Variants in ZNF492 observed in about 807,000 individuals in gnomAD.
ZNF492 encodes zinc finger protein 115 (Y20).
In ZNF492, 3 loss-of-function variants were observed where a neutral mutation model predicts 6.4. The observed-to-expected ratio is 0.47, with a 90% CI of 0.21 to 1.22. The LOEUF (loss-of-function observed/expected upper bound fraction) is 1.22. Among genes scored for constraint, ZNF492 ranks in the 50% most tolerant of loss-of-function variants. ZNF492 has a pLI of 0.22. For missense variants in ZNF492, 356 were observed against 612.5 expected, an observed-to-expected ratio of 0.58 and a Z score of 4.42; for synonymous variants, 112 against 205.3, an observed-to-expected ratio of 0.55 and a Z score of 3.89.
intron 1 of ZNF492, among the ~76,000 whole-genome samples, chr19:22,643,607 G>T (rs1971850397): frequency 6.6e-6 from 1 of 152,180 alleles, no homozygotes; most frequent in African/African-American, 2.4e-5. Flanking sequence ...ACATTACCAA[G>T]TGATTTATAA....
Position 22,653,296 on chromosome 19 carries a change from A to G in ZNF492, c.-93-11A>G. Reference sequence around the variant, plus strand: ...TTGGTAAATATGTATGTGTGTTTGTATGTTTTTCAGGGAGTGTTGACATTT... The same window carrying G: ...TTGGTAAATATGTATGTGTGTTTGTGTGTTTTTCAGGGAGTGTTGACATTT... On this transcript the variant is annotated splice_polypyrimidine_tract_variant and intron_variant, in intron 1 of 3. Coordinates refer to ENST00000456783, the MANE Select transcript of ZNF492 (RefSeq NM_020855.3). 1.9e-6 allele frequency: 3 copies of G among 1,611,100 alleles called. No individual in the cohort carries two copies. Among genetic ancestry groups the G allele is most frequent in the Non-Finnish European group, 2.5e-6 (3 of 1,179,384 alleles).
At chr19:22,636,514 CTGTGTGTGTGTG>C (rs141601969) in intron 1 of ZNF492, among the ~76,000 whole-genome samples, 457 of 147,300 alleles carry the variant, frequency 3.1e-3, no homozygotes, top group East Asian at 8.4e-3. Flanking sequence ...ACATGATCTT[CTGTGTGTGTGTG>C]TGTGTGTGTG....
rs760041910 is a variant in ZNF492, at chr19:22,655,813, G to GTTTTTTTTTTTTTT, written c.130+1800_130+1801insTTTTTTTTTTTTTT. Among the ~76,000 whole-genome samples the GTTTTTTTTTTTTTT allele has an allele frequency of 1.2e-4, 8 of 64,890 alleles. 2 individuals carry two copies. The highest frequency in any genetic ancestry group is 6.2e-4 in the African/African-American group (8 of 12,890). The allele number at this position is 64,890 out of a possible 152,430, so 42.6% of individuals were successfully genotyped here. A position where few individuals can be genotyped will look rare whatever the true frequency, so the allele number is the denominator to read the frequency against. Reference sequence around the variant, plus strand: ...GCAAACACCTCTTCAAGTTTTTCTTGTTGTTTTTTTTTTTTTTTTTTTTTT... The same window carrying GTTTTTTTTTTTTTT: ...GCAAACACCTCTTCAAGTTTTTCTTGTTTTTTTTTTTTTTTTGTTTTTTTTTTTTTTTTTTTTTT... On this transcript the variant is annotated intron_variant, in intron 3 of 3. Transcript: ENST00000456783.
chr19:22,659,253 A>C (rs551216430), intron 3 of ZNF492, among the ~76,000 whole-genome samples: 11 of 150,188 alleles, frequency 7.3e-5, no homozygotes, highest in Admixed American at 1.3e-4. Flanking sequence ...ATAAAATTTC[A>C]GTTTTAAAAA....
At chr19:22,647,727 G>GTTTTTTTTTTTTGTTTTT (rs1971897013) in intron 1 of ZNF492, among the ~76,000 whole-genome samples, 1 of 92,576 alleles carries the variant, frequency 1.1e-5, no homozygotes, top group Non-Finnish European at 2.1e-5. Flanking sequence ...AGCTCTTTTA[G>GTTTTTTTTTTTTGTTTTT]TTTTTTTTTT....
intron 1 of ZNF492, among the ~76,000 whole-genome samples, chr19:22,643,528 G>A (rs1358794724): frequency 6.6e-6 from 1 of 152,130 alleles, no homozygotes; most frequent in Admixed American, 6.5e-5. Context: ...ATTGACAGGG[G>A]ACTTATTTAA....
rs376505137 is a variant in ZNF492, at chr19:22,659,485, A to G, written c.131-4315A>G. Among the ~76,000 whole-genome samples, 128 of 151,440 alleles carry G rather than the reference A, an allele frequency of 8.5e-4. 1 individual carries two copies. The highest frequency in any genetic ancestry group is 2.8e-3 in the African/African-American group (117 of 41,078). Reference sequence around the variant, plus strand: ...AAATGCAGTGTCAAAATATCCTACTATAATTATGTTGCTCTCTATGTGTCT... The same window carrying G: ...AAATGCAGTGTCAAAATATCCTACTGTAATTATGTTGCTCTCTATGTGTCT... On this transcript the variant is annotated intron_variant, in intron 3 of 3. Coordinates refer to ENST00000456783, the MANE Select transcript of ZNF492 (RefSeq NM_020855.3).
intron 3 of ZNF492, among the ~76,000 whole-genome samples, chr19:22,661,603 CT>C (rs71180581): frequency 4.1e-4 from 61 of 148,770 alleles, no homozygotes; most frequent in African/African-American, 1.1e-3. Context: ...TGTTTCTCTT[CT>C]TTTTTTTTTG....
intron 3 of ZNF492, among the ~76,000 whole-genome samples, chr19:22,662,477 T>C (rs946231732): frequency 2.6e-5 from 4 of 152,180 alleles, no homozygotes; most frequent in African/African-American, 9.6e-5. Context: ...TCAAATGGTA[T>C]TTCTAGTTCT....
At chr19:22,636,792 C>A (rs1192461818) in intron 1 of ZNF492, among the ~76,000 whole-genome samples, 1 of 150,124 alleles carries the variant, frequency 6.7e-6, no homozygotes, top group Non-Finnish European at 1.5e-5. Context: ...CGCCACCACG[C>A]CCAGCTAATT....
intron 1 of ZNF492, among the ~76,000 whole-genome samples, 194 bp from the exon 2 acceptor site, chr19:22,653,113 T>C (rs1468829672): frequency 6.6e-6 from 1 of 151,422 alleles, no homozygotes; most frequent in East Asian, 1.9e-4. Flanking sequence ...GTGGATCTTA[T>C]GCCACTCTCT....
intron 1 of ZNF492, among the ~76,000 whole-genome samples, chr19:22,653,075 G>A (rs2201008): frequency 0.16 from 21,887 of 140,298 alleles, 2,486 homozygotes; most frequent in African/African-American, 0.31. Context: ...TTCATCATCC[G>A]AAGAAGTATC....
At chr19:22,655,766 T>C (rs1217925347) in intron 3 of ZNF492, among the ~76,000 whole-genome samples, 1 of 147,166 alleles carries the variant, frequency 6.8e-6, no homozygotes, top group Admixed American at 6.8e-5. Flanking sequence ...ACTTTTGCAT[T>C]GGTGTCTGTG....
chr19:22,655,058 C>T (rs189860751), intron 3 of ZNF492, among the ~76,000 whole-genome samples: 4,326 of 150,806 alleles, frequency 0.029, 68 homozygotes, highest in East Asian at 0.075. Flanking sequence ...TTTGGGAGGC[C>T]GAGGCAGGCG....
chr19:22,652,955 C>T (rs1459638850), intron 1 of ZNF492, among the ~76,000 whole-genome samples: 1 of 152,082 alleles, frequency 6.6e-6, no homozygotes. Context: ...GCAGTATTTT[C>T]TAACTGAATA....
At chr19:22,663,613 C>G (rs1972080780) in intron 3 of ZNF492, among the ~76,000 whole-genome samples, 187 bp from the exon 4 acceptor site, 1 of 152,090 alleles carries the variant, frequency 6.6e-6, no homozygotes, top group African/African-American at 2.4e-5. Flanking sequence ...ACACACTTAA[C>G]TTACTTTAAT....
At chr19:22,643,233 C>A (rs1479846421) in intron 1 of ZNF492, among the ~76,000 whole-genome samples, 1 of 152,086 alleles carries the variant, frequency 6.6e-6, no homozygotes, top group African/African-American at 2.4e-5. Context: ...CACATCTTGT[C>A]ACTGCACTCC....
At chr19:22,652,221 C>CTTTTTTTTTTTTTTTTTTTTTTTT (rs59051481) in intron 1 of ZNF492, among the ~76,000 whole-genome samples, 2 of 105,472 alleles carry the variant, frequency 1.9e-5, no homozygotes, top group African/African-American at 1.1e-4. Context: ...CTTTCTTAGG[C>CTTTTTTTTTTTTTTTTTTTTTTTT]TTTTTTTTTT....
intron 3 of ZNF492, among the ~76,000 whole-genome samples, chr19:22,659,561 T>TATACACACACAC (rs1555725601): frequency 1.4e-5 from 2 of 138,746 alleles, no homozygotes; most frequent in Non-Finnish European, 3.1e-5. Flanking sequence ...TAATGTGAGA[T>TATACACACACAC]ACACACACAC....
Sources: gnomAD v4.1 joint callset for allele counts (sites outside exome capture counted in the v4.1 genomes callset) on GRCh38, gnomAD v4.1.1 for gene constraint, MANE v1.5 for transcripts, NCBI Gene and HGNC (gene_info 2026-07-23, HGNC 2026-07-21) for gene names.